The following CRCP variants were observed in gnomAD, a reference collection of about 807,000 sequenced individuals.
CRCP encodes CGRP receptor component.
In CRCP, 18 loss-of-function variants were observed where a neutral mutation model predicts 18.5. The observed-to-expected ratio is 0.97, with a 90% CI of 0.67 to 1.44. The LOEUF (loss-of-function observed/expected upper bound fraction) is 1.44. Among genes scored for constraint, CRCP ranks in the 40% most tolerant of loss-of-function variants. CRCP has a pLI of 0.00. For missense variants in CRCP, 130 were observed against 176.4 expected, an observed-to-expected ratio of 0.74 and a Z score of 1.49; for synonymous variants, 53 against 62.9, an observed-to-expected ratio of 0.84 and a Z score of 0.75.
At chr7:66,143,843 A>G (rs907977034) in intron 4 of CRCP, among the ~76,000 whole-genome samples, 3 of 152,190 alleles carry the variant, frequency 2.0e-5, no homozygotes, top group African/African-American at 4.8e-5. Context: ...GCAAGCAATA[A>G]ATGGTAGTGG....
chr7:66,136,797 C>T (rs1007572815), intron 4 of CRCP, among the ~76,000 whole-genome samples: 10 of 151,734 alleles, frequency 6.6e-5, no homozygotes, highest in South Asian at 2.1e-4. Flanking sequence ...AATTCAAGAT[C>T]GGACGGGCAC....
intron 4 of CRCP, among the ~76,000 whole-genome samples, chr7:66,137,981 T>A (rs1584087335): frequency 6.6e-6 from 1 of 152,230 alleles, no homozygotes; most frequent in South Asian, 2.1e-4. Flanking sequence ...ACAAAAATAG[T>A]CTTTTTGTCA....
intron 2 of CRCP, 126 bp downstream of exon 2, chr7:66,127,866 C>T (rs767018675): frequency 4.0e-5 from 41 of 1,033,980 alleles, no homozygotes; most frequent in Admixed American, 7.7e-5. Context: ...GTAATCCCAG[C>T]ACTTTGGGAG....
At chr7:66,134,159 C>T (rs1787898120) in intron 3 of CRCP, 121 bp from the exon 4 acceptor site, 1 of 773,848 alleles carries the variant, frequency 1.3e-6, no homozygotes, top group South Asian at 1.5e-5. Context: ...CGTGCCCAGC[C>T]TCTACAGGAT....
rs1013807076 is a variant in CRCP at position 66,140,808 on chromosome 7, G to A, written c.240-4635G>A. 3.2e-4 allele frequency among the ~76,000 whole-genome samples: 48 copies of A among 151,982 alleles called. 1 individual carries two copies. Among genetic ancestry groups the A allele is most frequent in the African/African-American group, 9.7e-4 (40 of 41,354 alleles). ...TTTTAAGGCCTCTTTTCATCTCTTTGGGCTAATGTATTGCTTCCTAAGCCC... is the reference window on the plus strand; with the variant it reads ...TTTTAAGGCCTCTTTTCATCTCTTTAGGCTAATGTATTGCTTCCTAAGCCC... On this transcript the variant is annotated intron_variant, in intron 4 of 5. Transcript: ENST00000395326.
At chr7:66,135,337 G>C (rs1164240719) in intron 4 of CRCP, among the ~76,000 whole-genome samples, 1 of 152,134 alleles carries the variant, frequency 6.6e-6, no homozygotes, top group Non-Finnish European at 1.5e-5. Flanking sequence ...AACATTAAAT[G>C]TCACGAGCTG....
At chr7:66,125,401 G>C (rs1787590737) in intron 1 of CRCP, among the ~76,000 whole-genome samples, 1 of 149,314 alleles carries the variant, frequency 6.7e-6, no homozygotes, top group Non-Finnish European at 1.5e-5. Context: ...TATTAAATAA[G>C]GAAAGGCCTA....
chr7:66,144,494 T>C (rs1788236905), intron 4 of CRCP, among the ~76,000 whole-genome samples: 1 of 152,194 alleles, frequency 6.6e-6, no homozygotes, highest in Non-Finnish European at 1.5e-5. Flanking sequence ...TTGTGTGTTT[T>C]AATTTTTTAG....
At chr7:66,129,188 C>G (rs1787711608) in intron 2 of CRCP, among the ~76,000 whole-genome samples, 1 of 152,116 alleles carries the variant, frequency 6.6e-6, no homozygotes, top group South Asian at 2.1e-4. Flanking sequence ...AAAAAATTAG[C>G]CGGGCAAGGT....
chr7:66,145,333 C>A, intron 4 of CRCP, 110 bp from the exon 5 acceptor site: 1 of 1,085,622 alleles, frequency 9.2e-7, no homozygotes, highest in Non-Finnish European at 1.4e-6. Flanking sequence ...GAGGGCCACA[C>A]TCCAGTGGTT....
intron 4 of CRCP, among the ~76,000 whole-genome samples, chr7:66,141,353 C>T (rs1388327988): frequency 6.6e-6 from 1 of 152,128 alleles, no homozygotes; most frequent in African/African-American, 2.4e-5. Flanking sequence ...TAACCACGTG[C>T]ACTTCTCCCA....
At chr7:66,134,418 A>G in intron 4 of CRCP, 44 bp downstream of exon 4, 1 of 1,308,578 alleles carries the variant, frequency 7.6e-7, no homozygotes, top group South Asian at 1.2e-5. Context: ...ACATGGTGAA[A>G]TGATAGTTGC....
rs1562762431 is a variant in CRCP, at chr7:66,127,758, A to G, written c.45+18A>G. On this transcript the variant is annotated intron_variant, in intron 2 of 5. Coordinates refer to ENST00000395326, the MANE Select transcript of CRCP (RefSeq NM_014478.5). ...ACTACGAGGTAAATTGGATTGTTACATTTTCCTCTCTGATAGTTTGCCCTT... is the reference window on the plus strand; with the variant it reads ...ACTACGAGGTAAATTGGATTGTTACGTTTTCCTCTCTGATAGTTTGCCCTT... 6.2e-7 allele frequency: 1 copy of G among 1,613,602 alleles called. No individual in the cohort carries two copies. Among genetic ancestry groups the G allele is most frequent in the African/African-American group, 1.3e-5 (1 of 75,016 alleles).
chr7:66,143,600 A>G (rs1429337267), intron 4 of CRCP, among the ~76,000 whole-genome samples: 2 of 152,154 alleles, frequency 1.3e-5, no homozygotes, highest in East Asian at 3.8e-4. Context: ...TTGGGGGATT[A>G]CAAGCAGTAG....
Position 66,129,379 on chromosome 7 carries a change from A to G in CRCP, c.46-1365A>G, listed in dbSNP as rs577735342. ...TAGCTGGACATGGTAGCAAACACCT[A>G]CTATGGTCCTAGCTACTTGGAAGGC... is the stretch of plus-strand genomic sequence containing the variant. On this transcript the variant is annotated intron_variant, in intron 2 of 5. Coordinates refer to ENST00000395326, the MANE Select transcript of CRCP (RefSeq NM_014478.5). 2.6e-5 allele frequency among the ~76,000 whole-genome samples: 4 copies of G among 152,246 alleles called. No homozygotes were observed. In the East Asian group the frequency reaches 7.7e-4, roughly 29 times the overall value.
At position 66,127,734 on chromosome 7, in the gene CRCP, C is replaced by T; in HGVS notation, c.39C>T (p.Asn13=). ...ATGCCAATTCTGCGCTTCTCAGTAA[C>T]TACGAGGTAAATTGGATTGTTACAT... ...VKDANSALLS[N]YEVFQLLTDL... is the part of the protein sequence containing the mutation. The change falls in exon 2 of 6, where the codon AAC becomes AAT. Residue 13 remains asparagine (N), a synonymous_variant. Transcript: ENST00000395326. 6.2e-7 allele frequency: 1 copy of T among 1,614,084 alleles called. No individual in the cohort carries two copies. The highest frequency in any genetic ancestry group is 8.5e-7 in the Non-Finnish European group (1 of 1,179,970).
intron 5 of CRCP, among the ~76,000 whole-genome samples, chr7:66,146,453 A>G: frequency 6.6e-6 from 1 of 152,134 alleles, no homozygotes; most frequent in East Asian, 1.9e-4. Flanking sequence ...GTTTAAAAAA[A>G]AAAAAGAAGA....
chr7:66,148,100 G>A (rs912410171), intron 5 of CRCP, among the ~76,000 whole-genome samples: 1 of 150,184 alleles, frequency 6.7e-6, no homozygotes, highest in African/African-American at 2.4e-5. Context: ...GGTGGCTCAC[G>A]CCTGTAATCC....
At chr7:66,119,536 C>T (rs1787369709) in intron 1 of CRCP, 1 of 152,200 alleles carries the variant, frequency 6.6e-6, no homozygotes, top group African/African-American at 2.4e-5. Context: ...ACTGAGCCCT[C>T]AGCCTGTGGA....
Sources: gnomAD v4.1 joint callset for allele counts (sites outside exome capture counted in the v4.1 genomes callset) on GRCh38, gnomAD v4.1.1 for gene constraint, MANE v1.5 for transcripts, NCBI Gene and HGNC (gene_info 2026-07-23, HGNC 2026-07-21) for gene names.